Variants in CCSAP observed in about 807,000 individuals in gnomAD.
CCSAP encodes the protein centriole, cilia and spindle-associated protein.
A neutral mutation model predicts 25.9 loss-of-function variants in CCSAP; 17 were observed. The ratio of observed to expected loss-of-function variants is 0.66; its 90% CI spans 0.45 to 0.99. CCSAP has a LOEUF of 0.99. Ranked by LOEUF, CCSAP falls within the 50% of genes least tolerant of loss-of-function variation. The pLI, the probability that CCSAP is intolerant of heterozygous loss-of-function variation, is 0.00. For synonymous variants in CCSAP, 169 were observed against 157.1 expected, an observed-to-expected ratio of 1.08 and a Z score of -0.57; for missense variants, 339 against 367.8, an observed-to-expected ratio of 0.92 and a Z score of 0.64.
At position 229,342,382 on chromosome 1, in the gene CCSAP, G is replaced by C. The variant is rs777299196; in HGVS notation, c.84C>G (p.Arg28=). Residue 28 remains arginine (R), a synonymous_variant, in exon 2 of 4, where the codon CGC becomes CGG. Transcript: ENST00000284617. The surrounding 1 kb of genome is among the most constrained non-coding windows in gnomAD (Gnocchi z 7.5). ...GGCCTAGGCGGTAGTGCAGCAGCTC[G>C]CGGTAGCACGGCCCGTACTCCTCCC... ...PRWEEYGPCY[R]ELLHYRLGRR... is the part of the protein sequence containing the mutation. 1.3e-6 allele frequency: 2 copies of C among 1,504,080 alleles called. No individual in the cohort carries two copies. The highest frequency in any genetic ancestry group is 5.4e-5 in the East Asian group (2 of 36,954). The allele number at this position is 1,504,080 out of a possible 1,614,324, so 93.2% of individuals were successfully genotyped here. A position where few individuals can be genotyped will look rare whatever the true frequency, so the allele number is the denominator to read the frequency against.
At position 229,326,662 on chromosome 1, in the gene CCSAP, G is replaced by T. The variant is rs186342042; in HGVS notation, c.636+76C>A. 1.7e-5 allele frequency: 26 copies of T among 1,559,614 alleles called. No homozygotes were observed. In the South Asian group the frequency reaches 2.9e-4, roughly 17 times the overall value. The stretch of plus-strand genomic sequence containing the variant: ...AAAGCACCCAGTGGCCAAAGGACAC[G>T]ATGCCCGATGACAGGCGCATGGCCC... On this transcript the variant is annotated intron_variant, in intron 3 of 3. Transcript: ENST00000284617.
intron 2 of CCSAP, 53 bp from the exon 3 acceptor site, chr1:229,327,059 T>C: frequency 1.4e-6 from 2 of 1,390,424 alleles, no homozygotes; most frequent in East Asian, 2.5e-5. Context: ...GATTTATATA[T>C]AATTAAAATA....
intron 2 of CCSAP, among the ~76,000 whole-genome samples, chr1:229,331,029 G>T (rs1658056932): frequency 6.6e-6 from 1 of 151,978 alleles, no homozygotes; most frequent in African/African-American, 2.4e-5. Flanking sequence ...GTTCTTGGGG[G>T]CTACTGGACT....
In CCSAP at chr1:229,324,588, AAG is replaced by A. The variant is rs1269665967; in HGVS notation, c.*645_*646del. 2.0e-5 allele frequency: 3 copies of A among 152,654 alleles called. No individual in the cohort carries two copies. The highest frequency in any genetic ancestry group is 6.3e-3 in the Middle Eastern group (2 of 316). The allele number at this position is 152,654 out of a possible 1,614,324, so 9.5% of individuals were successfully genotyped here. On this transcript the variant is annotated 3_prime_UTR_variant, in exon 4 of 4. Transcript: ENST00000284617. The stretch of plus-strand genomic sequence containing the variant: ...TAATAACTGCCTAGATGATCACTGA[AAG>A]AGAAAAAGAGACCCTCGCCCAGCCC...
At position 229,326,768 on chromosome 1, in the gene CCSAP, G is replaced by T. The variant is rs757188577; in HGVS notation, c.606C>A (p.His202Gln). 6.2e-7 allele frequency: 1 copy of T among 1,614,240 alleles called. No homozygotes were observed. The change falls in exon 3 of 4, where the codon CAC becomes CAA. Residue 202 changes from histidine (H) to glutamine (Q), a missense_variant. By Grantham distance (24) the His-to-Gln change is conservative. Coordinates refer to ENST00000284617, the MANE Select transcript of CCSAP (RefSeq NM_145257.5). ...KQTDTGSQKT[H>Q]NVCASAPVHE... ...GCACAGGAGCGGACGCACAGACGTT[G>T]TGAGTCTTCTGGCTTCCTGTATCGG...
At chr1:229,326,511 A>G (rs570722093) in intron 3 of CCSAP, among the ~76,000 whole-genome samples, 1 of 152,174 alleles carries the variant, frequency 6.6e-6, no homozygotes, top group South Asian at 2.1e-4. Flanking sequence ...TCTTCTGGGT[A>G]ACTCCAAGCC....
At chr1:229,326,614 C>G in intron 3 of CCSAP, 124 bp downstream of exon 3, 1 of 1,123,014 alleles carries the variant, frequency 8.9e-7, no homozygotes, top group Non-Finnish European at 1.3e-6. Flanking sequence ...ACCATGCTAT[C>G]CCCTAAGATC....
intron 2 of CCSAP, among the ~76,000 whole-genome samples, chr1:229,329,922 C>T (rs1229069948): frequency 6.6e-6 from 1 of 152,058 alleles, no homozygotes; most frequent in Non-Finnish European, 1.5e-5. Flanking sequence ...ACCCAGGAGG[C>T]GGTGGTTGCA....
chr1:229,342,628 A>G lies in CCSAP; in HGVS notation c.-48-115T>C, dbSNP rs991981439. On this transcript the variant is annotated intron_variant, in intron 1 of 3. Transcript: ENST00000284617. The surrounding 1 kb of genome is among the most constrained non-coding windows in gnomAD (Gnocchi z 7.5). ...CGGGAGCAGGGGGCGGGTCCCGGCG[A>G]GGGCGGGGAGGGGGCGGGGCGGGGG... 1 of 407,174 alleles carries G rather than the reference A, an allele frequency of 2.5e-6. No individual in the cohort carries two copies. The highest frequency in any genetic ancestry group is 2.1e-5 in the African/African-American group (1 of 47,686). The allele number at this position is 407,174 out of a possible 1,614,324, so 25.2% of individuals were successfully genotyped here.
At chr1:229,340,599 C>A in intron 2 of CCSAP, 1 of 548,466 alleles carries the variant, frequency 1.8e-6, no homozygotes, top group Admixed American at 3.3e-5. Flanking sequence ...ATGTTCCCTA[C>A]CCCCTCCACC....
rs1657881264 is a variant in CCSAP at position 229,323,896 on chromosome 1, T to C, written c.*1339A>G. The stretch of plus-strand genomic sequence containing the variant: ...CACATCTTCGGGTGCCAAGCTGGCA[T>C]AGGCAGAGCACCATTATCTCTTATA... On this transcript the variant is annotated 3_prime_UTR_variant, in exon 4 of 4. Coordinates refer to ENST00000284617, the MANE Select transcript of CCSAP (RefSeq NM_145257.5). 1.3e-5 allele frequency: 2 copies of C among 152,014 alleles called. No homozygotes were observed. The highest frequency in any genetic ancestry group is 2.4e-5 in the African/African-American group (1 of 41,438). The allele number at this position is 152,014 out of a possible 1,614,324, so 9.4% of individuals were successfully genotyped here.
At chr1:229,326,295 GCAAT>G (rs1281050242) in intron 3 of CCSAP, among the ~76,000 whole-genome samples, 1 of 152,198 alleles carries the variant, frequency 6.6e-6, no homozygotes, top group Non-Finnish European at 1.5e-5. Flanking sequence ...CAGATGCCAA[GCAAT>G]CAATCAATCA....
At chr1:229,341,502 G>T (rs1047381209) in intron 2 of CCSAP, among the ~76,000 whole-genome samples, 6 of 152,222 alleles carry the variant, frequency 3.9e-5, no homozygotes, top group Non-Finnish European at 8.8e-5. Flanking sequence ...CTGGACAGGC[G>T]AGGGAGGATG....
intron 2 of CCSAP, among the ~76,000 whole-genome samples, chr1:229,330,799 C>T (rs1294666515): frequency 2.0e-5 from 3 of 147,886 alleles, no homozygotes; most frequent in African/African-American, 5.0e-5. Flanking sequence ...GAGCCGAGAT[C>T]GTGCCACTGC....
At chr1:229,341,821 G>A (rs1658339673) in intron 2 of CCSAP, among the ~76,000 whole-genome samples, 1 of 152,134 alleles carries the variant, frequency 6.6e-6, no homozygotes, top group South Asian at 2.1e-4. Flanking sequence ...GGTTTGCCAA[G>A]CCGCAGAGGC....
At position 229,325,213 on chromosome 1, in the gene CCSAP, G is replaced by A; in HGVS notation, c.*22C>T. The A allele has an allele frequency of 6.4e-7, 1 of 1,558,580 alleles. No homozygotes were observed. Among genetic ancestry groups the A allele is most frequent in the Non-Finnish European group, 8.6e-7 (1 of 1,157,514 alleles). On this transcript the variant is annotated 3_prime_UTR_variant, in exon 4 of 4. Transcript: ENST00000284617. Reference sequence around the variant, plus strand: ...TCAGTCATTTACACTTTTTAAAAGAGGCTGTCCACGCAAGTGTTTCTTTAA... The same window carrying A: ...TCAGTCATTTACACTTTTTAAAAGAAGCTGTCCACGCAAGTGTTTCTTTAA...
chr1:229,323,485 T>C lies in CCSAP; in HGVS notation c.*1750A>G, dbSNP rs1322476995. The C allele has an allele frequency of 6.6e-6, 1 of 152,300 alleles. No homozygotes were observed. The highest frequency in any genetic ancestry group is 1.9e-4 in the East Asian group (1 of 5,190). 9.4% of individuals were successfully genotyped at this position (152,300 alleles called of 1,614,324 possible). On this transcript the variant is annotated 3_prime_UTR_variant, in exon 4 of 4. Transcript: ENST00000284617. The stretch of plus-strand genomic sequence containing the variant: ...GACTTTAAAGGAACAGTTTTCACAA[T>C]CAGCTAGCTACACCATCACAAATTG...
At chr1:229,340,978 G>T (rs2102700371) in intron 2 of CCSAP, among the ~76,000 whole-genome samples, 1 of 152,222 alleles carries the variant, frequency 6.6e-6, no homozygotes, top group African/African-American at 2.4e-5. Context: ...GGCGGATCAC[G>T]AGGTGAGGAG....
At chr1:229,340,913 G>C (rs1658315385) in intron 2 of CCSAP, among the ~76,000 whole-genome samples, 1 of 152,128 alleles carries the variant, frequency 6.6e-6, no homozygotes, top group South Asian at 2.1e-4. Flanking sequence ...ACTGAGATTA[G>C]GGCCGGGCAT....
Sources: gnomAD v4.1 joint callset for allele counts (sites outside exome capture counted in the v4.1 genomes callset) on GRCh38, gnomAD v4.1.1 for gene constraint, Gnocchi (gnomAD v3.1) non-coding constraint, MANE v1.5 for transcripts, NCBI Gene and HGNC (gene_info 2026-07-23, HGNC 2026-07-21) for gene names.